Variants in CHRM3 observed in about 807,000 individuals in gnomAD.
CHRM3 encodes the protein cholinergic receptor muscarinic 3.
A neutral mutation model predicts 41.8 loss-of-function variants in CHRM3; 11 were observed. That is an observed-to-expected ratio of 0.26 (90% CI 0.17 to 0.44). The LOEUF (loss-of-function observed/expected upper bound fraction) is 0.44. Among genes scored for constraint, CHRM3 ranks in the 20% least tolerant of loss-of-function variants. CHRM3 has a pLI of 1.00. For synonymous variants in CHRM3, 297 were observed against 301.4 expected (o/e 0.99, Z 0.15); for missense variants, 571 against 745.4 (o/e 0.77, Z 2.72).
At chr1:239,777,733 A>G (rs1339654926) in intron 5 of CHRM3, among the ~76,000 whole-genome samples, 1 of 152,198 alleles carries the variant, frequency 6.6e-6, no homozygotes, top group East Asian at 1.9e-4. Context: ...GGCAGAAAAA[A>G]GCGAAGAAAT....
intron 4 of CHRM3, among the ~76,000 whole-genome samples, chr1:239,640,724 A>T (rs2148916957): frequency 6.6e-6 from 1 of 150,528 alleles, no homozygotes; most frequent in African/African-American, 2.4e-5. Context: ...CAGCTCCTGG[A>T]TTCATTAATT....
At chr1:239,427,045 A>T (rs1648516207) in intron 1 of CHRM3, among the ~76,000 whole-genome samples, 1 of 152,072 alleles carries the variant, frequency 6.6e-6, no homozygotes, top group South Asian at 2.1e-4. Context: ...AGACATGTTA[A>T]TTTGAAGTTA....
At chr1:239,804,951 C>A (rs769329147) in intron 5 of CHRM3, among the ~76,000 whole-genome samples, 7 of 152,152 alleles carry the variant, frequency 4.6e-5, no homozygotes, top group Admixed American at 6.5e-5. Flanking sequence ...TCTGCTAATT[C>A]TTCTCAAAGA....
intron 5 of CHRM3, among the ~76,000 whole-genome samples, chr1:239,809,279 C>T (rs1670924429): frequency 6.6e-6 from 1 of 152,072 alleles, no homozygotes; most frequent in Admixed American, 6.5e-5. Flanking sequence ...CTCGGCCTCC[C>T]AAAGTGCTGG....
intron 6 of CHRM3, among the ~76,000 whole-genome samples, chr1:239,892,291 T>G (rs1234583040): frequency 6.6e-6 from 1 of 152,234 alleles, no homozygotes; most frequent in Non-Finnish European, 1.5e-5. Flanking sequence ...AGTAGACATT[T>G]TATTATTATT....
intron 6 of CHRM3, among the ~76,000 whole-genome samples, chr1:239,880,628 A>C (rs1677508552): frequency 6.6e-6 from 1 of 152,148 alleles, no homozygotes; most frequent in Admixed American, 6.5e-5. Flanking sequence ...AGTAGCTCGG[A>C]CTATAGGTGC....
intron 1 of CHRM3, among the ~76,000 whole-genome samples, chr1:239,453,671 T>G (rs1368790052): frequency 6.6e-6 from 1 of 152,226 alleles, no homozygotes; most frequent in Non-Finnish European, 1.5e-5. Context: ...GGCATTAATT[T>G]TGTATTCTAT....
chr1:239,498,573 A>G (rs1668027014), intron 2 of CHRM3, among the ~76,000 whole-genome samples: 3 of 152,186 alleles, frequency 2.0e-5, no homozygotes, highest in African/African-American at 4.8e-5. Flanking sequence ...ATAGGGAAAC[A>G]TAAACCATTA....
At chr1:239,415,622 A>G (rs1030671760) in intron 1 of CHRM3, among the ~76,000 whole-genome samples, 1 of 152,178 alleles carries the variant, frequency 6.6e-6, no homozygotes, top group African/African-American at 2.4e-5. Context: ...CTAAAGGTGT[A>G]TTTGTTTGTT....
chr1:239,854,434 T>C (rs1558181427), intron 6 of CHRM3, among the ~76,000 whole-genome samples: 1 of 152,108 alleles, frequency 6.6e-6, no homozygotes, highest in Non-Finnish European at 1.5e-5. Flanking sequence ...CATGGTCTTC[T>C]TGCCAAAGAA....
chr1:239,412,437 G>A (rs879792777), intron 1 of CHRM3, among the ~76,000 whole-genome samples: 10 of 144,624 alleles, frequency 6.9e-5, no homozygotes, highest in South Asian at 2.3e-4. Context: ...GCCGTATAGC[G>A]ATAGTCTTGG....
At chr1:239,650,980 A>G (rs1011347592) in intron 4 of CHRM3, among the ~76,000 whole-genome samples, 4 of 152,214 alleles carry the variant, frequency 2.6e-5, no homozygotes, top group South Asian at 2.1e-4. Flanking sequence ...TTGTAAGTAT[A>G]CATATATGCA....
chr1:239,509,923 A>G (rs751524582), intron 2 of CHRM3, among the ~76,000 whole-genome samples: 8 of 152,238 alleles, frequency 5.3e-5, no homozygotes, highest in Non-Finnish European at 1.0e-4. Flanking sequence ...CCCCGTCTCT[A>G]TTAAAAAATA....
At chr1:239,521,382 A>G (rs2148266950) in intron 2 of CHRM3, among the ~76,000 whole-genome samples, 1 of 152,336 alleles carries the variant, frequency 6.6e-6, no homozygotes, top group East Asian at 1.9e-4. Flanking sequence ...TGAGGATACG[A>G]GAGGACAATA....
chr1:239,701,589 A>T (rs534207547), intron 5 of CHRM3, among the ~76,000 whole-genome samples: 1 of 152,278 alleles, frequency 6.6e-6, no homozygotes, highest in Admixed American at 6.5e-5. Context: ...TCTGGCTCTT[A>T]CCTCTCACGT....
intron 1 of CHRM3, among the ~76,000 whole-genome samples, chr1:239,414,071 G>A (rs1171833393): frequency 6.6e-6 from 1 of 152,134 alleles, no homozygotes; most frequent in South Asian, 2.1e-4. Context: ...CTTCCGTGGT[G>A]GTTTTATGAG....
chr1:239,427,355 G>C (rs1662471090), intron 1 of CHRM3, among the ~76,000 whole-genome samples: 1 of 152,156 alleles, frequency 6.6e-6, no homozygotes, highest in Non-Finnish European at 1.5e-5. Flanking sequence ...GGCCTGGAGG[G>C]TTGAACGGAA....
At chr1:239,560,466 A>G (rs950458843) in intron 3 of CHRM3, among the ~76,000 whole-genome samples, 5 of 152,170 alleles carry the variant, frequency 3.3e-5, no homozygotes, top group African/African-American at 4.8e-5. Context: ...TAGGTAATTT[A>G]TATATTTGCA....
chr1:239,813,383 A>C (rs1671272855), intron 5 of CHRM3, among the ~76,000 whole-genome samples: 1 of 152,216 alleles, frequency 6.6e-6, no homozygotes. Flanking sequence ...ATAAAACTTA[A>C]AGAGAGAAAA....
Sources: allele counts gnomAD v4.1 joint callset (sites outside exome capture counted in the v4.1 genomes callset), GRCh38; gene constraint gnomAD v4.1.1; transcripts MANE v1.5; gene names NCBI Gene and HGNC (gene_info 2026-07-23, HGNC 2026-07-21).